The following LOC400499 variants were observed in gnomAD, a reference collection of about 807,000 sequenced individuals.
At chr16:11,497,199 G>C in the LOC400499 span, among the ~76,000 whole-genome samples, 4 of 152,130 alleles carry the variant, frequency 2.6e-5, no homozygotes, top group Admixed American at 2.6e-4. Context: ...GCTTCAGTGT[G>C]TGTGGGTTGT....
chr16:11,487,052 G>T, the LOC400499 span, among the ~76,000 whole-genome samples: 1 of 152,000 alleles, frequency 6.6e-6, no homozygotes, highest in East Asian at 1.9e-4. Context: ...TAGATGGAAG[G>T]AGGGAGGGAG....
At chr16:11,444,412 C>T in the LOC400499 span, among the ~76,000 whole-genome samples, 1 of 152,056 alleles carries the variant, frequency 6.6e-6, no homozygotes, top group Non-Finnish European at 1.5e-5. Flanking sequence ...AAAAAAGACC[C>T]TCTAAGTCAG....
the LOC400499 span, chr16:11,500,749 C>T: frequency 1.5e-5 from 6 of 398,726 alleles, no homozygotes; most frequent in African/African-American, 4.1e-5. Flanking sequence ...ATCTAACCAG[C>T]AGCCAAGCCA....
At chr16:11,446,409 C>T in the LOC400499 span, 1 of 736,812 alleles carries the variant, frequency 1.4e-6, no homozygotes, top group Non-Finnish European at 2.2e-6. Context: ...CTTCTCACCT[C>T]AGCCTCCTGC....
the LOC400499 span, among the ~76,000 whole-genome samples, chr16:11,499,858 G>A: frequency 6.6e-6 from 1 of 152,174 alleles, no homozygotes; most frequent in East Asian, 1.9e-4. Context: ...CACACCCCAA[G>A]GTCTCAGGTC....
At chr16:11,518,669 G>C in the LOC400499 span, among the ~76,000 whole-genome samples, 1 of 152,142 alleles carries the variant, frequency 6.6e-6, no homozygotes, top group Non-Finnish European at 1.5e-5. Context: ...TCTACATGAA[G>C]GCAGCCCCCC....
chr16:11,449,026 C>A, the LOC400499 span: 1 of 1,519,924 alleles, frequency 6.6e-7, no homozygotes, highest in Non-Finnish European at 8.8e-7. Context: ...TGGATCTCGC[C>A]CTGCACTGCT....
chr16:11,407,901 A>G, the LOC400499 span, among the ~76,000 whole-genome samples: 1 of 152,076 alleles, frequency 6.6e-6, no homozygotes, highest in Non-Finnish European at 1.5e-5. Flanking sequence ...GAACTTATTA[A>G]AAATACAGAT....
the LOC400499 span, among the ~76,000 whole-genome samples, chr16:11,395,005 T>C: frequency 3.3e-5 from 5 of 152,332 alleles, no homozygotes; most frequent in Admixed American, 3.3e-4. Context: ...TGTCGATCTC[T>C]GAGGAGATCC....
At chr16:11,477,467 A>G in the LOC400499 span, among the ~76,000 whole-genome samples, 1 of 152,318 alleles carries the variant, frequency 6.6e-6, no homozygotes, top group Non-Finnish European at 1.5e-5. Context: ...GTCAGTGGGA[A>G]TAAGAAGCAC....
chr16:11,444,891 G>C, the LOC400499 span, among the ~76,000 whole-genome samples: 1 of 152,088 alleles, frequency 6.6e-6, no homozygotes, highest in Admixed American at 6.6e-5. Flanking sequence ...AGACCAGCCT[G>C]GGCAATATAG....
chr16:11,447,987 C>T, the LOC400499 span: 1,773 of 1,536,110 alleles, frequency 1.2e-3, 19 homozygotes, highest in African/African-American at 0.021. Context: ...GCCTCAGCTC[C>T]TCCAGCTCTC....
chr16:11,399,710 G>T, the LOC400499 span: 58 of 398,916 alleles, frequency 1.5e-4, no homozygotes, highest in Admixed American at 2.2e-3. Context: ...ACCTGCCCCG[G>T]GGAGGCGGCC....
the LOC400499 span, among the ~76,000 whole-genome samples, chr16:11,517,044 C>G: frequency 6.6e-6 from 1 of 152,142 alleles, no homozygotes; most frequent in African/African-American, 2.4e-5. Flanking sequence ...AAGACAGATC[C>G]TCCAAAAGGA....
chr16:11,519,011 A>G, the LOC400499 span: 1,148 of 398,922 alleles, frequency 2.9e-3, 16 homozygotes, highest in African/African-American at 0.022. Context: ...CTCTCCTGTG[A>G]TACCCCGGGA....
the LOC400499 span, chr16:11,383,966 G>A: frequency 1.6e-6 from 2 of 1,231,840 alleles, no homozygotes; most frequent in Non-Finnish European, 2.0e-6. Context: ...GGGCAGGCCT[G>A]CTCCTGCTGA....
the LOC400499 span, among the ~76,000 whole-genome samples, chr16:11,403,268 C>T: frequency 6.6e-6 from 1 of 152,214 alleles, no homozygotes; most frequent in Non-Finnish European, 1.5e-5. Flanking sequence ...GTTCTCAGGG[C>T]ATCACCCAGT....
the LOC400499 span, among the ~76,000 whole-genome samples, chr16:11,426,065 A>G: frequency 6.6e-6 from 1 of 152,232 alleles, no homozygotes; most frequent in Non-Finnish European, 1.5e-5. Context: ...CACTATTAAC[A>G]AAATTAAAGT....
the LOC400499 span, chr16:11,393,285 C>A: frequency 9.6e-6 from 9 of 940,336 alleles, no homozygotes; most frequent in Non-Finnish European, 1.2e-5. Context: ...TGAGCCCCTG[C>A]ACCCAGCCCC....
Sources: gnomAD v4.1 joint callset for allele counts (sites outside exome capture counted in the v4.1 genomes callset) on GRCh38, gnomAD v4.1.1 for gene constraint, MANE v1.5 for transcripts.